Variants in HELT observed in about 807,000 individuals in gnomAD.
The protein encoded by HELT is helt bHLH transcription factor.
A neutral mutation model predicts 19.5 loss-of-function variants in HELT; 9 were observed. That is an observed-to-expected ratio of 0.46 (90% CI 0.28 to 0.80). The LOEUF is 0.80. Ranked by LOEUF, HELT falls within the 30% of genes least tolerant of loss-of-function variation. The pLI is 0.12. For missense variants in HELT, 366 were observed against 326.3 expected, an observed-to-expected ratio of 1.12 and a Z score of -0.94; for synonymous variants, 162 against 148.3, an observed-to-expected ratio of 1.09 and a Z score of -0.67.
rs1479085765 is a variant in HELT, at chr4:185,019,391, C to A, written c.32C>A (p.Thr11Asn). Residue 11 changes from threonine to asparagine, a missense_variant, in exon 2 of 4, where the codon ACC (threonine) becomes AAC (asparagine). Physicochemically the swap from Thr to Asn is moderately conservative, Grantham distance 65. Transcript: ENST00000515777. MSDKLKERKR[T>N]PVSHKVIEKR... ...CATACAACCCTCTCTTCGCAGAGAA[C>A]CCCCGTTTCTCATAAAGTGATAGAA... The A allele has an allele frequency of 1.9e-6, 3 of 1,610,222 alleles. No homozygotes were observed. Among genetic ancestry groups the A allele is most frequent in the Non-Finnish European group, 2.5e-6 (3 of 1,177,604 alleles).
At chr4:185,019,361 C>T (rs1456033565) in intron 1 of HELT, 26 bp from the exon 2 acceptor site, 3 of 1,580,852 alleles carry the variant, frequency 1.9e-6, no homozygotes, top group Non-Finnish European at 2.6e-6. Context: ...CAAAGCCATC[C>T]TAAACATACA....
Position 185,018,569 on chromosome 4 carries a change from C to T in HELT, c.-360C>T, listed in dbSNP as rs1733961736. Among the ~76,000 whole-genome samples the T allele has an allele frequency of 6.6e-6, 1 of 152,186 alleles. No homozygotes were observed. The highest frequency in any genetic ancestry group is 2.4e-5 in the African/African-American group (1 of 41,446). ...GCCCCAGTTTACCGCCTCCTTTTCC[C>T]GCCCGAGCTGTTGCCATGCAAATGT... On this transcript the variant is annotated 5_prime_UTR_variant, in exon 1 of 4. Coordinates refer to ENST00000515777, the MANE Select transcript of HELT (RefSeq NM_001300781.2).
intron 1 of HELT, 144 bp from the exon 2 acceptor site, chr4:185,019,240 CGAG>C: frequency 8.6e-7 from 1 of 1,166,754 alleles, no homozygotes; most frequent in Non-Finnish European, 1.2e-6. Context: ...TCACCTGGCC[CGAG>C]CGTGGCGGGC....
chr4:185,019,537 C>T, intron 2 of HELT, 46 bp downstream of exon 2: 1 of 1,567,892 alleles, frequency 6.4e-7, no homozygotes, highest in Non-Finnish European at 8.7e-7. Context: ...TGGGAGGCCT[C>T]TGCGGCCACT....
At position 185,020,316 on chromosome 4, in the gene HELT, C is replaced by T. The variant is rs764425587; in HGVS notation, c.273C>T (p.Tyr91=). 2 of 1,614,096 alleles carry T rather than the reference C, an allele frequency of 1.2e-6. No homozygotes were observed. The highest frequency in any genetic ancestry group is 4.5e-5 in the East Asian group (2 of 44,882). The part of the protein sequence containing the change: ...AEFANYFHYG[Y]HECMKNLVHY... The stretch of plus-strand genomic sequence containing the variant: ...TTGCCAACTACTTCCACTATGGCTA[C>T]CACGAGTGCATGAAGAACCTGGTGC... The change falls in exon 4 of 4, where the codon TAC becomes TAT. Residue 91 remains tyrosine (Y), a synonymous_variant. Coordinates refer to ENST00000515777, the MANE Select transcript of HELT (RefSeq NM_001300781.2).
Position 185,019,368 on chromosome 4 carries a change from TACA to T in HELT, c.28-16_28-14del, listed in dbSNP as rs1381609318. Reference sequence around the variant, plus strand: ...TTCCCGGGCAAAGCCATCCTAAACATACAACCCTCTCTTCGCAGAGAACCCCCG... The same window carrying T: ...TTCCCGGGCAAAGCCATCCTAAACATACCCTCTCTTCGCAGAGAACCCCCG... On this transcript the variant is annotated splice_polypyrimidine_tract_variant and intron_variant, in intron 1 of 3. Transcript: ENST00000515777. 2 of 1,594,372 alleles carry T rather than the reference TACA, an allele frequency of 1.3e-6. No individual in the cohort carries two copies. The highest frequency in any genetic ancestry group is 1.7e-6 in the Non-Finnish European group (2 of 1,167,668).
chr4:185,019,928 T>C, intron 3 of HELT, 85 bp downstream of exon 3: 1 of 1,244,482 alleles, frequency 8.0e-7, no homozygotes, highest in East Asian at 2.4e-5. Flanking sequence ...AGTGACTGAG[T>C]GTTCCCGAGA....
intron 3 of HELT, 92 bp from the exon 4 acceptor site, chr4:185,020,180 AT>A (rs1413039240): frequency 3.3e-6 from 5 of 1,529,866 alleles, no homozygotes; most frequent in African/African-American, 1.4e-5. Context: ...TGGCCAGAAA[AT>A]GTGGTGGGAG....
rs762689040 is a variant in HELT, at chr4:185,020,667, C to G, written c.624C>G (p.Phe208Leu). ...GCCCAGCGCAGCAGCACAGCCCCTT[C>G]CTGACACCGGTGCAGGGCCTGGACC... ...LASPAQQHSP[F>L]LTPVQGLDRH... The change falls in exon 4 of 4, where the codon TTC becomes TTG. Residue 208 changes from phenylalanine (F) to leucine (L), a missense_variant. Phe to Leu is a conservative substitution (Grantham distance 22). Transcript: ENST00000515777. 1 of 1,604,718 alleles carries G rather than the reference C, an allele frequency of 6.2e-7. No individual in the cohort carries two copies. Among genetic ancestry groups the G allele is most frequent in the Non-Finnish European group, 8.5e-7 (1 of 1,179,358 alleles).
At position 185,018,805 on chromosome 4, in the gene HELT, T is replaced by C. The variant is rs564918667; in HGVS notation, c.-124T>C. 1 of 989,676 alleles carries C rather than the reference T, an allele frequency of 1.0e-6. No homozygotes were observed. The highest frequency in any genetic ancestry group is 1.6e-5 in the African/African-American group (1 of 61,396). 61.3% of individuals were successfully genotyped at this position (989,676 alleles called of 1,614,324 possible). ...CATCTGGAGCCCTAGATGACCGCTT[T>C]ATAAGGCAGCCCTCGGAGTTGGGAG... is the stretch of plus-strand genomic sequence containing the variant. On this transcript the variant is annotated 5_prime_UTR_variant, in exon 1 of 4. Coordinates refer to ENST00000515777, the MANE Select transcript of HELT (RefSeq NM_001300781.2).
chr4:185,019,594 G>T (rs1423057492), intron 2 of HELT, 103 bp downstream of exon 2: 2 of 1,563,520 alleles, frequency 1.3e-6, no homozygotes, highest in Middle Eastern at 1.8e-4. Flanking sequence ...TCACTTGCGG[G>T]CCCCTCCCAG....
chr4:185,020,198 T>C, intron 3 of HELT, 75 bp from the exon 4 acceptor site: 4 of 1,561,648 alleles, frequency 2.6e-6, no homozygotes, highest in Non-Finnish European at 3.5e-6. Context: ...GGAGGTGCCC[T>C]GCACCCGCTT....
intron 1 of HELT, 146 bp downstream of exon 1, chr4:185,019,101 G>A (rs1236570279): frequency 3.7e-6 from 6 of 1,601,462 alleles, no homozygotes; most frequent in Non-Finnish European, 5.1e-6. Flanking sequence ...TGGGAAGGGG[G>A]TGGGGTAGAG....
intron 1 of HELT, 110 bp downstream of exon 1, chr4:185,019,065 T>TA (rs766657622): frequency 1.9e-6 from 3 of 1,613,130 alleles, no homozygotes; most frequent in Non-Finnish European, 2.5e-6. Flanking sequence ...CACGGGACTT[T>TA]GAGTGTGGAG....
rs772210049 is a variant in HELT, at chr4:185,020,286, G to A, written c.243G>A (p.Ala81=). 1 of 1,613,372 alleles carries A rather than the reference G, an allele frequency of 6.2e-7. No homozygotes were observed. The highest frequency in any genetic ancestry group is 8.5e-7 in the Non-Finnish European group (1 of 1,179,512). ...TCGTTCCTCCAGCAGAACTTCTAGCGGAGTTTGCCAACTACTTCCACTATG... is the reference window on the plus strand; with the variant it reads ...TCGTTCCTCCAGCAGAACTTCTAGCAGAGTTTGCCAACTACTTCCACTATG... ...PRGREKAELL[A]EFANYFHYGY... The change falls in exon 4 of 4, where the codon GCG becomes GCA. Residue 81 remains alanine, a synonymous_variant. Transcript: ENST00000515777.
In HELT at chr4:185,019,836, G is replaced by A. The variant is rs779717479; in HGVS notation, c.222G>A (p.Arg74=). The A allele has an allele frequency of 9.9e-6, 16 of 1,613,202 alleles. No individual in the cohort carries two copies. Among genetic ancestry groups the A allele is most frequent in the East Asian group, 6.7e-5 (3 of 44,876 alleles). The change falls in exon 3 of 4, where the codon AGG becomes AGA. Residue 74 remains arginine, a synonymous_variant. Coordinates refer to ENST00000515777, the MANE Select transcript of HELT (RefSeq NM_001300781.2). ...ALHSADFPRG[R]EKAELLAEFA... is the part of the protein sequence containing the mutation. ...ACTCCGCTGATTTTCCCCGGGGAAGGGAAAAAGGTGGGCACAGGTTAGGGA... is the reference window on the plus strand; with the variant it reads ...ACTCCGCTGATTTTCCCCGGGGAAGAGAAAAAGGTGGGCACAGGTTAGGGA...
rs1319678555 is a variant in HELT, at chr4:185,020,648, C to A, written c.605C>A (p.Ala202Glu). 32 of 1,603,972 alleles carry A rather than the reference C, an allele frequency of 2.0e-5. No homozygotes were observed. The highest frequency in any genetic ancestry group is 2.4e-5 in the Non-Finnish European group (28 of 1,179,274). ...PSAPVPLASP[A>E]QQHSPFLTPV... ...GCGCCAGTGCCGCTCGCTAGCCCAG[C>A]GCAGCAGCACAGCCCCTTCCTGACA... Residue 202 changes from alanine to glutamate, a missense_variant, in exon 4 of 4, where the codon GCG (alanine) becomes GAG (glutamate). Ala to Glu is a moderately radical substitution (Grantham distance 107, BLOSUM62 -1). Coordinates refer to ENST00000515777, the MANE Select transcript of HELT (RefSeq NM_001300781.2).
At position 185,020,587 on chromosome 4, in the gene HELT, G is replaced by A; in HGVS notation, c.544G>A (p.Ala182Thr). 1 of 1,593,644 alleles carries A rather than the reference G, an allele frequency of 6.3e-7. No homozygotes were observed. The highest frequency in any genetic ancestry group is 1.1e-5 in the South Asian group (1 of 90,204). Residue 182 changes from alanine to threonine, a missense_variant, in exon 4 of 4, where the codon GCG (alanine) becomes ACG (threonine). Transcript: ENST00000515777. ...GAGPFPWPPG[A>T]ARSPALPYLP... Reference sequence around the variant, plus strand: ...CGGGCCTTTCCCCTGGCCGCCTGGCGCGGCCCGCAGCCCCGCGCTGCCCTA... The same window carrying A: ...CGGGCCTTTCCCCTGGCCGCCTGGCACGGCCCGCAGCCCCGCGCTGCCCTA...
intron 1 of HELT, 94 bp from the exon 2 acceptor site, chr4:185,019,293 G>C: frequency 8.5e-7 from 1 of 1,181,446 alleles, no homozygotes; most frequent in Non-Finnish European, 1.2e-6. Flanking sequence ...CAGTGTGCGC[G>C]GCTGGAGAGG....
Sources: gnomAD v4.1 joint callset for allele counts (sites outside exome capture counted in the v4.1 genomes callset) on GRCh38, gnomAD v4.1.1 for gene constraint, MANE v1.5 for transcripts, NCBI Gene and HGNC (gene_info 2026-07-23, HGNC 2026-07-21) for gene names.